FMN1: variants seen among roughly 807,000 people sequenced by gnomAD.
FMN1 encodes formin 1, also known as formin-1.
In FMN1, 110 loss-of-function variants were observed where a neutral mutation model predicts 132.4. The observed-to-expected ratio is 0.83, with a 90% CI of 0.71 to 0.97. The LOEUF (loss-of-function observed/expected upper bound fraction) is 0.97. Ranked by LOEUF, FMN1 falls within the 50% of genes least tolerant of loss-of-function variation. The pLI is 0.00. For synonymous variants in FMN1, 722 were observed against 651.7 expected, an observed-to-expected ratio of 1.11 and a Z score of -1.64; for missense variants, 1,792 against 1,705.3, an observed-to-expected ratio of 1.05 and a Z score of -0.90.
intron 9 of FMN1, among the ~76,000 whole-genome samples, chr15:32,951,424 G>GACACACAC (rs3081377): frequency 6.6e-4 from 98 of 149,070 alleles, no homozygotes; most frequent in African/African-American, 2.3e-3. Flanking sequence ...GCCCCAGTGG[G>GACACACAC]ACACACACAC....
rs1566930253 is a variant in FMN1, at chr15:33,116,939, CT to C, written c.1868-27966del. On this transcript the variant is annotated intron_variant, in intron 4 of 20. Transcript: ENST00000616417. ...CACGTTTTACAGCACTCAATAAATG[CT>C]TATTATTACTATTGTTTCCACCAAT... Among the ~76,000 whole-genome samples the C allele has an allele frequency of 4.0e-5, 6 of 151,746 alleles. No individual in the cohort carries two copies. The South Asian group carries it at 8.3e-4, about 21-fold the overall frequency.
intron 17 of FMN1, among the ~76,000 whole-genome samples, chr15:32,825,737 A>G (rs942763339): frequency 6.6e-6 from 1 of 152,084 alleles, no homozygotes; most frequent in Non-Finnish European, 1.5e-5. Context: ...TTTCTCTATT[A>G]CCCTTTTCAT....
intron 9 of FMN1, among the ~76,000 whole-genome samples, chr15:32,955,480 C>A (rs2061744632): frequency 6.6e-6 from 1 of 152,098 alleles, no homozygotes; most frequent in South Asian, 2.1e-4. Context: ...AACTGAAGGC[C>A]AGAGGACTCA....
chr15:33,035,610 A>G (rs539576040), intron 6 of FMN1, among the ~76,000 whole-genome samples: 1 of 152,216 alleles, frequency 6.6e-6, no homozygotes, highest in East Asian at 1.9e-4. Context: ...CTCAAATGTC[A>G]ACTTCTCAGT....
chr15:33,035,411 T>C (rs2036144399), intron 6 of FMN1, among the ~76,000 whole-genome samples: 3 of 152,198 alleles, frequency 2.0e-5, no homozygotes, highest in South Asian at 2.1e-4. Flanking sequence ...ACGGATGCCT[T>C]AGAGGTCCTT....
intron 17 of FMN1, among the ~76,000 whole-genome samples, chr15:32,845,786 A>G (rs1008859589): frequency 6.6e-6 from 1 of 152,214 alleles, no homozygotes; most frequent in African/African-American, 2.4e-5. Context: ...AATTTTCAGT[A>G]TATTGGTGTT....
chr15:32,880,838 T>C (rs548762192), intron 16 of FMN1, among the ~76,000 whole-genome samples: 3 of 152,322 alleles, frequency 2.0e-5, no homozygotes, highest in South Asian at 2.1e-4. Context: ...CACCTACTCC[T>C]AGAAGGGGGT....
chr15:32,959,733 A>G (rs2030287933), intron 9 of FMN1, among the ~76,000 whole-genome samples: 2 of 152,250 alleles, frequency 1.3e-5, no homozygotes, highest in South Asian at 2.1e-4. Context: ...GCAAACTATT[A>G]TAAGAAAAGA....
chr15:32,915,906 C>T (rs1421809300), intron 10 of FMN1, among the ~76,000 whole-genome samples: 1 of 152,220 alleles, frequency 6.6e-6, no homozygotes, highest in African/African-American at 2.4e-5. Context: ...CTGTGAAAAG[C>T]TGGTAATTTT....
At chr15:32,812,524 A>T (rs1567208396) in intron 17 of FMN1, among the ~76,000 whole-genome samples, 1 of 152,178 alleles carries the variant, frequency 6.6e-6, no homozygotes, top group Non-Finnish European at 1.5e-5. Flanking sequence ...AGGTAATTTT[A>T]TTCTTCCCTC....
intron 6 of FMN1, among the ~76,000 whole-genome samples, chr15:33,037,795 CTT>C (rs1260662774): frequency 1.3e-5 from 2 of 152,204 alleles, no homozygotes; most frequent in Admixed American, 6.5e-5. Context: ...TCTTCAAACT[CTT>C]TTGCTTAAAC....
intron 6 of FMN1, among the ~76,000 whole-genome samples, chr15:33,024,400 C>G (rs546509405): frequency 4.8e-4 from 73 of 152,112 alleles, no homozygotes; most frequent in African/African-American, 1.7e-3. Context: ...GCGTCCGCCA[C>G]CACGCCTGGC....
chr15:33,186,545 G>A (rs551823409), intron 2 of FMN1, among the ~76,000 whole-genome samples: 2 of 151,820 alleles, frequency 1.3e-5, no homozygotes, highest in Non-Finnish European at 2.9e-5. Context: ...TACAGTTCTT[G>A]CAACTGTCAC....
At chr15:33,163,389 G>A (rs1191976466) in intron 3 of FMN1, among the ~76,000 whole-genome samples, 1 of 151,952 alleles carries the variant, frequency 6.6e-6, no homozygotes, top group African/African-American at 2.4e-5. Context: ...CTGCCTTCTG[G>A]ATTCAAGCGA....
At chr15:33,069,984 AGTCT>A (rs1191838364) in intron 5 of FMN1, among the ~76,000 whole-genome samples, 1 of 126,898 alleles carries the variant, frequency 7.9e-6, no homozygotes, top group African/African-American at 2.7e-5. Flanking sequence ...TCATAAGATC[AGTCT>A]TTCTCTTTTT....
At chr15:32,936,417 A>G (rs969560817) in intron 9 of FMN1, among the ~76,000 whole-genome samples, 1 of 152,222 alleles carries the variant, frequency 6.6e-6, no homozygotes, top group African/African-American at 2.4e-5. Context: ...TTCTGTGGAT[A>G]AATATTCTCT....
intron 10 of FMN1, among the ~76,000 whole-genome samples, chr15:32,916,709 T>TA (rs1246999586): frequency 6.6e-6 from 1 of 152,206 alleles, no homozygotes; most frequent in East Asian, 1.9e-4. Flanking sequence ...ATGGACTAGA[T>TA]ATAGTCTGGT....
In FMN1 at chr15:32,834,919, A is replaced by G. The variant is rs146300478; in HGVS notation, c.3928+22096T>C. On this transcript the variant is annotated intron_variant, in intron 17 of 20. Transcript: ENST00000616417. ...TTATTCAGGTGAACCCTTCAAAATG[A>G]TAACATTATGACACCAAAGCTTTTA... Among the ~76,000 whole-genome samples the G allele has an allele frequency of 2.2e-4, 33 of 152,338 alleles. 1 individual carries two copies. The highest frequency in any genetic ancestry group is 6.7e-4 in the African/African-American group (28 of 41,580).
chr15:33,068,196 G>A (rs907931867), intron 5 of FMN1: 7 of 294,530 alleles, frequency 2.4e-5, no homozygotes, highest in Admixed American at 9.8e-5. Context: ...ATTTATTCCC[G>A]GGGACAAAAG....
Sources: gnomAD v4.1 joint callset for allele counts (sites outside exome capture counted in the v4.1 genomes callset) on GRCh38, gnomAD v4.1.1 for gene constraint, MANE v1.5 for transcripts, NCBI Gene and HGNC (gene_info 2026-07-23, HGNC 2026-07-21) for gene names.